The following KLHL4 variants were observed in gnomAD, a reference collection of about 807,000 sequenced individuals.
KLHL4 encodes kelch like family member 4.
A neutral mutation model predicts 45.8 loss-of-function variants in KLHL4; 17 were observed. The observed-to-expected ratio is 0.37, with a 90% CI of 0.25 to 0.56. The LOEUF (loss-of-function observed/expected upper bound fraction) is 0.56. Ranked by LOEUF, KLHL4 falls within the 20% of genes least tolerant of loss-of-function variation. The pLI is 0.79. For missense variants in KLHL4, 544 were observed against 544.9 expected, an observed-to-expected ratio of 1.00 and a Z score of 0.02; for synonymous variants, 224 against 189.9, an observed-to-expected ratio of 1.18 and a Z score of -1.47.
chrX:87,527,689 G>A (rs1323295864), intron 1 of KLHL4, among the ~76,000 whole-genome samples: 1 of 108,946 alleles, frequency 9.2e-6, no homozygotes, highest in Non-Finnish European at 1.9e-5. Flanking sequence ...CCAGCAAAAC[G>A]GTGACACTGC....
intron 9 of KLHL4, 107 bp from the exon 10 acceptor site, chrX:87,664,657 T>C: frequency 3.9e-6 from 2 of 518,897 alleles, no homozygotes; most frequent in South Asian, 7.8e-5. Flanking sequence ...TTGTATAGTG[T>C]TTTTAATCCT....
rs553960830 is a variant in KLHL4, at chrX:87,601,313, G to C, written c.423-12564G>C. Among the ~76,000 whole-genome samples the C allele has an allele frequency of 4.9e-4, 55 of 111,380 alleles. 1 individual carries two copies. In the South Asian group the frequency reaches 0.021, roughly 42 times the overall value. Reference sequence around the variant, plus strand: ...CTCTTGACTTGGGGTTTCATACATTGGCATGGTTCCGGAGTTTGCATTTCT... The same window carrying C: ...CTCTTGACTTGGGGTTTCATACATTCGCATGGTTCCGGAGTTTGCATTTCT... On this transcript the variant is annotated intron_variant, in intron 1 of 10. Coordinates refer to ENST00000373119, the MANE Select transcript of KLHL4 (RefSeq NM_019117.5).
In KLHL4 at chrX:87,669,630, T is replaced by C. The variant is rs1172447351; in HGVS notation, c.*3096T>C. On this transcript the variant is annotated 3_prime_UTR_variant, in exon 11 of 11. Transcript: ENST00000373119. ...AAAAAAAAAGGTCATGAAACACAAA[T>C]GTCCTCAACTGTCATCATTCTATGT... 3 of 297,379 alleles carry C rather than the reference T, an allele frequency of 1.0e-5. No homozygotes were observed. Among genetic ancestry groups the C allele is most frequent in the Admixed American group, 1.2e-4 (2 of 17,276 alleles). The allele number at this position is 297,379 out of a possible 1,213,427, so 24.5% of individuals were successfully genotyped here.
intron 9 of KLHL4, among the ~76,000 whole-genome samples, chrX:87,648,509 G>A (rs1450463754): frequency 1.8e-5 from 2 of 111,264 alleles, no homozygotes; most frequent in African/African-American, 6.5e-5. Flanking sequence ...CAAGGTAGAC[G>A]TTTTGAGATT....
chrX:87,633,842 G>A lies in KLHL4; in HGVS notation c.1643G>A (p.Arg548Gln), dbSNP rs950201239. 5.0e-6 allele frequency: 6 copies of A among 1,207,188 alleles called. No homozygotes were observed. The highest frequency in any genetic ancestry group is 3.0e-5 in the East Asian group (1 of 33,684). The change falls in exon 8 of 11, where the codon CGA becomes CAA. Residue 548 changes from arginine (R) to glutamine (Q), a missense_variant. Transcript: ENST00000373119. The part of the protein sequence containing the change: ...NTVERWDPEG[R>Q]QWNYVASMST... ...GTAGAAAGATGGGACCCTGAGGGAC[G>A]ACAGTGGAATTACGTAGCCAGTATG...
At chrX:87,599,531 G>A (rs763327201) in intron 1 of KLHL4, among the ~76,000 whole-genome samples, 3 of 110,341 alleles carry the variant, frequency 2.7e-5, no homozygotes, top group Non-Finnish European at 5.7e-5. Context: ...TACCACTTGT[G>A]TTCCTTTTCT....
At chrX:87,543,645 C>A (rs1931613158) in intron 1 of KLHL4, among the ~76,000 whole-genome samples, 1 of 111,068 alleles carries the variant, frequency 9.0e-6, no homozygotes, top group Non-Finnish European at 1.9e-5. Context: ...TGATGCCCAC[C>A]CACAGAGGGA....
intron 1 of KLHL4, among the ~76,000 whole-genome samples, chrX:87,605,596 CTTTA>C (rs1922167109): frequency 9.0e-6 from 1 of 110,998 alleles, no homozygotes; most frequent in Admixed American, 9.6e-5. Context: ...TATACCATGA[CTTTA>C]TTTGTTTATT....
chrX:87,549,630 A>T (rs1032998846), intron 1 of KLHL4, among the ~76,000 whole-genome samples: 8 of 111,706 alleles, frequency 7.2e-5, no homozygotes, highest in Admixed American at 1.9e-4. Context: ...TTTGATAATT[A>T]TACAAGCACA....
chrX:87,558,151 C>T (rs1932019807), intron 1 of KLHL4, among the ~76,000 whole-genome samples: 1 of 111,505 alleles, frequency 9.0e-6, no homozygotes, highest in Non-Finnish European at 1.9e-5. Flanking sequence ...GGGCATTTTG[C>T]GATCACACCC....
rs750075333 is a variant in KLHL4 at position 87,669,341 on chromosome X, C to T, written c.*2807C>T. ...TGTATTTCCACAGAGCATGCAAGAA[C>T]TTCTACAAAACTTCTATACCACACA... is the stretch of plus-strand genomic sequence containing the variant. On this transcript the variant is annotated 3_prime_UTR_variant, in exon 11 of 11. Transcript: ENST00000373119. 3.0e-5 allele frequency: 36 copies of T among 1,206,251 alleles called. No individual in the cohort carries two copies. Among genetic ancestry groups the T allele is most frequent in the Admixed American group, 1.3e-4 (6 of 45,496 alleles).
chrX:87,593,018 G>A (rs1410442885), intron 1 of KLHL4, among the ~76,000 whole-genome samples: 1 of 111,324 alleles, frequency 9.0e-6, no homozygotes, highest in Non-Finnish European at 1.9e-5. Flanking sequence ...ATGTCATTCC[G>A]CTGTCATTTG....
chrX:87,632,498 T>A, intron 7 of KLHL4, 64 bp downstream of exon 7: 3 of 756,625 alleles, frequency 4.0e-6, no homozygotes, highest in Non-Finnish European at 5.7e-6. Context: ...AAAAATTAAA[T>A]CTAGCAGCAC....
intron 1 of KLHL4, among the ~76,000 whole-genome samples, chrX:87,590,388 G>A (rs1921625353): frequency 1.8e-5 from 2 of 111,350 alleles, no homozygotes; most frequent in African/African-American, 6.5e-5. Flanking sequence ...TTATAGATTG[G>A]AAGACTTAAT....
At chrX:87,575,059 G>C (rs1017852776) in intron 1 of KLHL4, among the ~76,000 whole-genome samples, 1 of 112,063 alleles carries the variant, frequency 8.9e-6, no homozygotes, top group African/African-American at 3.2e-5. Flanking sequence ...AATCTTACCA[G>C]ATCAGTTGAT....
intron 1 of KLHL4, among the ~76,000 whole-genome samples, chrX:87,596,780 A>C (rs2147803401): frequency 8.9e-6 from 1 of 112,321 alleles, no homozygotes; most frequent in East Asian, 2.8e-4. Context: ...TATATATGTA[A>C]GAAAATTTGA....
At chrX:87,602,541 G>T (rs1922052047) in intron 1 of KLHL4, among the ~76,000 whole-genome samples, 1 of 111,940 alleles carries the variant, frequency 8.9e-6, no homozygotes, top group South Asian at 3.7e-4. Context: ...AGTATTAAAA[G>T]TACAGTAACA....
intron 1 of KLHL4, among the ~76,000 whole-genome samples, chrX:87,597,584 G>A (rs1406010821): frequency 9.0e-6 from 1 of 111,472 alleles, no homozygotes; most frequent in Non-Finnish European, 1.9e-5. Context: ...TAGGCATATC[G>A]AGTTAGGTAC....
chrX:87,584,950 A>C (rs1166081391), intron 1 of KLHL4, among the ~76,000 whole-genome samples: 3 of 110,906 alleles, frequency 2.7e-5, no homozygotes, highest in Non-Finnish European at 5.7e-5. Flanking sequence ...CCAAAGGTTA[A>C]GATAAAGGAA....
Sources: allele counts gnomAD v4.1 joint callset (sites outside exome capture counted in the v4.1 genomes callset), GRCh38; gene constraint gnomAD v4.1.1; transcripts MANE v1.5; gene names NCBI Gene and HGNC (gene_info 2026-07-23, HGNC 2026-07-21).